The following TMEM132B variants were observed in gnomAD, a reference collection of about 807,000 sequenced individuals.
TMEM132B encodes the protein transmembrane protein 132B.
A neutral mutation model predicts 90.8 loss-of-function variants in TMEM132B; 18 were observed. The observed-to-expected ratio is 0.20, with a 90% CI of 0.14 to 0.29. The LOEUF is 0.29. Ranked by LOEUF, TMEM132B falls within the 10% of genes least tolerant of loss-of-function variation. TMEM132B has a pLI of 1.00. For missense variants in TMEM132B, 1,096 were observed against 1,326.8 expected (o/e 0.83, Z 2.70); for synonymous variants, 504 against 523.3 (o/e 0.96, Z 0.50).
intron 4 of TMEM132B, among the ~76,000 whole-genome samples, chr12:125,564,881 T>TG: frequency 6.6e-6 from 1 of 152,330 alleles, no homozygotes; most frequent in Admixed American, 6.5e-5. Flanking sequence ...CAGAGTGTTA[T>TG]GGGGCATATT....
intron 1 of TMEM132B, among the ~76,000 whole-genome samples, chr12:125,229,530 T>C (rs982669348): frequency 1.3e-5 from 2 of 152,244 alleles, no homozygotes; most frequent in African/African-American, 4.8e-5. Flanking sequence ...AAGTAAATTC[T>C]ATCTACCTAC....
intron 3 of TMEM132B, among the ~76,000 whole-genome samples, chr12:125,457,153 G>T (rs113036328): frequency 6.6e-6 from 1 of 152,192 alleles, no homozygotes; most frequent in Non-Finnish European, 1.5e-5. Flanking sequence ...AAAGCTGCAT[G>T]TACAGCAAGT....
intron 1 of TMEM132B, among the ~76,000 whole-genome samples, chr12:125,281,511 G>A (rs12316369): frequency 0.026 from 3,945 of 152,262 alleles, 175 homozygotes; most frequent in African/African-American, 0.09. Flanking sequence ...TTGAGCTTAA[G>A]TTCCCTTAGC....
At chr12:125,548,719 C>T (rs894995891) in intron 4 of TMEM132B, among the ~76,000 whole-genome samples, 8 of 152,126 alleles carry the variant, frequency 5.3e-5, no homozygotes, top group African/African-American at 1.9e-4. Context: ...TGTGGGAAGT[C>T]ACGGGAGGGT....
chr12:125,343,356 A>G (rs141042268), intron 1 of TMEM132B, among the ~76,000 whole-genome samples: 1 of 152,290 alleles, frequency 6.6e-6, no homozygotes, highest in East Asian at 1.9e-4. Flanking sequence ...GGTAACAGGT[A>G]CCTGGGATGG....
intron 4 of TMEM132B, among the ~76,000 whole-genome samples, chr12:125,543,018 ATGACCCTT>A (rs1883994503): frequency 1.3e-5 from 2 of 152,216 alleles, no homozygotes; most frequent in Non-Finnish European, 2.9e-5. Flanking sequence ...ATCCCAGAAT[ATGACCCTT>A]ATTCAGTCAC....
intron 3 of TMEM132B, among the ~76,000 whole-genome samples, chr12:125,446,182 A>C (rs1224085605): frequency 6.6e-6 from 1 of 152,056 alleles, no homozygotes. Context: ...TTCTTGTTCA[A>C]ATTACTGACT....
chr12:125,249,740 A>C lies in TMEM132B; in HGVS notation c.67+62874A>C, dbSNP rs576228666. The stretch of plus-strand genomic sequence containing the variant: ...TCAAGCTATCATCAAGCACTGGGTG[A>C]CTGATTAGATGAAGGGATCTGTAAG... On this transcript the variant is annotated intron_variant, in intron 1 of 8. Coordinates refer to ENST00000682704, the MANE Select transcript of TMEM132B (RefSeq NM_001366854.1). 1.1e-4 allele frequency among the ~76,000 whole-genome samples: 16 copies of C among 152,358 alleles called. No homozygotes were observed. In the East Asian group the frequency reaches 3.1e-3, roughly 29 times the overall value.
At chr12:125,550,527 G>C (rs73220934) in intron 4 of TMEM132B, among the ~76,000 whole-genome samples, 471 of 152,254 alleles carry the variant, frequency 3.1e-3, no homozygotes, top group Non-Finnish European at 5.5e-3. Flanking sequence ...ACTAACATAT[G>C]TATTAACATA....
At position 125,238,284 on chromosome 12, in the gene TMEM132B, C is replaced by T. The variant is rs562811364; in HGVS notation, c.67+51418C>T. ...AGGAGAATGGCGTGAACCTGGGAGG[C>T]GGAGCTTGCAGTGAGCCGAGATCGC... On this transcript the variant is annotated intron_variant, in intron 1 of 8. Coordinates refer to ENST00000682704, the MANE Select transcript of TMEM132B (RefSeq NM_001366854.1). Among the ~76,000 whole-genome samples, 6 of 142,222 alleles carry T rather than the reference C, an allele frequency of 4.2e-5. No individual in the cohort carries two copies. In the East Asian group the frequency reaches 8.3e-4, roughly 20 times the overall value. The allele number at this position is 142,222 out of a possible 152,430, so 93.3% of individuals were successfully genotyped here. A position where few individuals can be genotyped will look rare whatever the true frequency, so the allele number is the denominator to read the frequency against.
intron 4 of TMEM132B, among the ~76,000 whole-genome samples, chr12:125,550,187 G>A (rs1385703454): frequency 6.6e-6 from 1 of 152,140 alleles, no homozygotes; most frequent in African/African-American, 2.4e-5. Context: ...ACCAGCTCTC[G>A]CTCAAGACAC....
chr12:125,638,220 T>A (rs756454576), intron 5 of TMEM132B, among the ~76,000 whole-genome samples: 1 of 152,158 alleles, frequency 6.6e-6, no homozygotes, highest in African/African-American at 2.4e-5. Flanking sequence ...AGCCTCTCCT[T>A]GGCCTCAGTC....
At position 125,323,234 on chromosome 12, in the gene TMEM132B, G is replaced by A. The variant is rs542778550; in HGVS notation, c.68-26218G>A. Among the ~76,000 whole-genome samples, 3 of 152,186 alleles carry A rather than the reference G, an allele frequency of 2.0e-5. No homozygotes were observed. The South Asian group carries it at 6.2e-4, about 32-fold the overall frequency. On this transcript the variant is annotated intron_variant, in intron 1 of 8. Transcript: ENST00000682704. Reference sequence around the variant, plus strand: ...GCAAATCACCTGAGTTCAGGAGTTCGAGACCAGCCTGGCCAAAATGGTGAA... The same window carrying A: ...GCAAATCACCTGAGTTCAGGAGTTCAAGACCAGCCTGGCCAAAATGGTGAA...
intron 3 of TMEM132B, among the ~76,000 whole-genome samples, chr12:125,495,266 G>A (rs1417932913): frequency 8.6e-6 from 1 of 115,664 alleles, no homozygotes; most frequent in African/African-American, 3.5e-5. Context: ...CCTGTAAATG[G>A]CTGCGTCCCT....
In TMEM132B at chr12:125,597,881, G is replaced by A. The variant is rs559934002; in HGVS notation, c.1437+13887G>A. 3.3e-5 allele frequency among the ~76,000 whole-genome samples: 5 copies of A among 152,304 alleles called. No individual in the cohort carries two copies. In the East Asian group the frequency reaches 9.7e-4, roughly 29 times the overall value. On this transcript the variant is annotated intron_variant, in intron 5 of 8. Coordinates refer to ENST00000682704, the MANE Select transcript of TMEM132B (RefSeq NM_001366854.1). ...GCAGGTATGAATCAAGGCACATGGA[G>A]CTTGAGTCCAGGTTCACTTTATTCC...
chr12:125,368,566 C>A (rs567809319), intron 2 of TMEM132B, among the ~76,000 whole-genome samples: 2 of 152,172 alleles, frequency 1.3e-5, no homozygotes, highest in Non-Finnish European at 2.9e-5. Context: ...CATGGATTTG[C>A]CCAGTGGGAG....
intron 1 of TMEM132B, among the ~76,000 whole-genome samples, chr12:125,313,554 G>A (rs1378630775): frequency 8.7e-5 from 3 of 34,666 alleles, no homozygotes; most frequent in Admixed American, 4.7e-4. Context: ...CTCCCCTCCC[G>A]TTTCCCCCTC....
intron 1 of TMEM132B, among the ~76,000 whole-genome samples, chr12:125,195,181 C>G (rs934094959): frequency 1.3e-5 from 2 of 152,026 alleles, no homozygotes; most frequent in Non-Finnish European, 2.9e-5. Flanking sequence ...TACTGTGCAC[C>G]TGCACTGTGC....
At chr12:125,625,155 C>T (rs1443622403) in intron 5 of TMEM132B, among the ~76,000 whole-genome samples, 3 of 46,266 alleles carry the variant, frequency 6.5e-5, no homozygotes, top group Admixed American at 2.6e-4. Flanking sequence ...TTTTTTGAGA[C>T]TGAGTCTCGC....
Sources: allele counts gnomAD v4.1 joint callset (sites outside exome capture counted in the v4.1 genomes callset), GRCh38; gene constraint gnomAD v4.1.1; transcripts MANE v1.5; gene names NCBI Gene and HGNC (gene_info 2026-07-23, HGNC 2026-07-21).